The following MSN variants were observed in gnomAD, a reference collection of about 807,000 sequenced individuals.
MSN encodes epididymis luminal protein 70.
Under a neutral mutation model 48.0 loss-of-function variants are expected in MSN, and 2 were observed. The ratio of observed to expected loss-of-function variants is 0.04; its 90% confidence interval spans 0.02 to 0.13. The LOEUF (loss-of-function observed/expected upper bound fraction) is 0.13, where lower values mean the gene tolerates loss of function less well. Ranked by LOEUF, MSN falls within the 10% of genes least tolerant of loss-of-function variation. The probability of loss-of-function intolerance (pLI) is 1.00; values close to 1 mark genes in which losing one functional copy is unlikely to be tolerated. For missense variants in MSN, 267 were observed against 470.1 expected (o/e 0.57, Z 3.99); for synonymous variants, 146 against 166.9 (o/e 0.87, Z 0.97).
chrX:65,734,305 A>G (rs764599026), intron 7 of MSN, among the ~76,000 whole-genome samples: 2 of 111,575 alleles, frequency 1.8e-5, no homozygotes, highest in East Asian at 5.6e-4. Context: ...TTCTCCAGCC[A>G]TGAGGTGCCT....
chrX:65,628,483 C>T (rs753125824), intron 1 of MSN, among the ~76,000 whole-genome samples: 1 of 111,723 alleles, frequency 9.0e-6, no homozygotes, highest in East Asian at 2.8e-4. Context: ...GGACACAGGG[C>T]ACCAAGTCCC....
At chrX:65,685,612 T>C (rs2071107406) in intron 1 of MSN, among the ~76,000 whole-genome samples, 1 of 111,954 alleles carries the variant, frequency 8.9e-6, no homozygotes, top group Admixed American at 9.5e-5. Flanking sequence ...TTTTGTTTTT[T>C]TGAGACAGAG....
At chrX:65,651,563 T>TATTATTATC (rs1285087570) in intron 1 of MSN, among the ~76,000 whole-genome samples, 16 of 58,347 alleles carry the variant, frequency 2.7e-4, no homozygotes, top group Admixed American at 2.7e-3. Context: ...AAGTAATATT[T>TATTATTATC]ATTATTATTA....
chrX:65,595,074 G>C (rs1409155728), intron 1 of MSN, among the ~76,000 whole-genome samples: 1 of 111,523 alleles, frequency 9.0e-6, no homozygotes, highest in Non-Finnish European at 1.9e-5. Context: ...TGAATACCAA[G>C]CACTCCCTAG....
intron 9 of MSN, 78 bp from the exon 10 acceptor site, chrX:65,737,100 T>A: frequency 1.9e-5 from 22 of 1,144,080 alleles, no homozygotes; most frequent in Non-Finnish European, 2.6e-5. Context: ...TTGGGGTGGA[T>A]CATTTCCAGG....
intron 1 of MSN, among the ~76,000 whole-genome samples, chrX:65,620,460 G>A (rs1237087193): frequency 1.8e-5 from 2 of 113,904 alleles, no homozygotes; most frequent in African/African-American, 6.3e-5. Context: ...GGGTGGGAGT[G>A]ACCCGATTTT....
intron 1 of MSN, among the ~76,000 whole-genome samples, chrX:65,635,284 C>T (rs908584391): frequency 1.8e-5 from 2 of 110,786 alleles, no homozygotes; most frequent in Non-Finnish European, 3.8e-5. Flanking sequence ...GGGTGTGTGT[C>T]TCAGTCTCAA....
chrX:65,643,469 A>C (rs1379594060), intron 1 of MSN, among the ~76,000 whole-genome samples: 1 of 110,862 alleles, frequency 9.0e-6, no homozygotes. Context: ...AAATCTTAGA[A>C]CCAGCTAGGC....
chrX:65,651,617 C>T (rs183593246), intron 1 of MSN, among the ~76,000 whole-genome samples: 25 of 103,309 alleles, frequency 2.4e-4, no homozygotes, highest in East Asian at 9.2e-4. Flanking sequence ...TATGGACTTT[C>T]GCTGTTCTTG....
At chrX:65,725,369 ATCT>A (rs934908209) in intron 2 of MSN, among the ~76,000 whole-genome samples, 2 of 110,927 alleles carry the variant, frequency 1.8e-5, no homozygotes, top group Non-Finnish European at 3.8e-5. Context: ...CTCATGGTCC[ATCT>A]TCTTCTCTTC....
At chrX:65,615,327 T>C (rs980321278) in intron 1 of MSN, among the ~76,000 whole-genome samples, 1 of 108,110 alleles carries the variant, frequency 9.2e-6, no homozygotes, top group Non-Finnish European at 1.9e-5. Flanking sequence ...ACCAACAGTG[T>C]AAAAGTGTTC....
At chrX:65,702,044 C>T (rs1327158462) in intron 1 of MSN, among the ~76,000 whole-genome samples, 1 of 100,651 alleles carries the variant, frequency 9.9e-6, no homozygotes, top group Admixed American at 1.1e-4. Context: ...CTTCCTCTGT[C>T]GCCTGTCGCC....
intron 1 of MSN, among the ~76,000 whole-genome samples, chrX:65,600,343 G>A (rs1433721544): frequency 9.0e-6 from 1 of 111,563 alleles, no homozygotes; most frequent in Non-Finnish European, 1.9e-5. Context: ...GTCTAAATGC[G>A]TCTGTACCTT....
intron 1 of MSN, among the ~76,000 whole-genome samples, chrX:65,692,745 T>C (rs1352852396): frequency 8.9e-6 from 1 of 111,820 alleles, no homozygotes; most frequent in African/African-American, 3.3e-5. Flanking sequence ...AGTGGCATGA[T>C]CTCGGCTCAC....
chrX:65,677,854 T>C (rs1456087285), intron 1 of MSN, among the ~76,000 whole-genome samples: 1 of 111,862 alleles, frequency 8.9e-6, no homozygotes, highest in Non-Finnish European at 1.9e-5. Flanking sequence ...ATTGTAGATC[T>C]AGCATATGCT....
chrX:65,619,326 A>C (rs377679105), intron 1 of MSN, among the ~76,000 whole-genome samples: 3,892 of 93,985 alleles, frequency 0.041, 592 homozygotes, highest in African/African-American at 0.22. Flanking sequence ...TCCATTCTCC[A>C]CATCACTTTC....
chrX:65,715,575 C>A (rs1173183328), intron 1 of MSN, among the ~76,000 whole-genome samples: 1 of 111,661 alleles, frequency 9.0e-6, no homozygotes, highest in Non-Finnish European at 1.9e-5. Flanking sequence ...GATATTTATT[C>A]TTTTGTGGCA....
chrX:65,640,594 A>T lies in MSN; in HGVS notation c.-22+51982A>T, dbSNP rs6624804. On this transcript the variant is annotated intron_variant, in intron 1 of 3. Coordinates refer to the MSN transcript ENST00000609672. Reference sequence around the variant, plus strand: ...ACCGTTAGAGAGATACTTCTGTGGGATAACACTAGCTTCTCCAATAATTCA... The same window carrying T: ...ACCGTTAGAGAGATACTTCTGTGGGTTAACACTAGCTTCTCCAATAATTCA... Among the ~76,000 whole-genome samples, 25 of 111,408 alleles carry T rather than the reference A, an allele frequency of 2.2e-4. 1 individual carries two copies. The East Asian group carries it at 5.9e-3, about 26-fold the overall frequency.
chrX:65,657,094 C>A (rs1310078949), intron 1 of MSN, among the ~76,000 whole-genome samples: 1 of 111,511 alleles, frequency 9.0e-6, no homozygotes, highest in Non-Finnish European at 1.9e-5. Context: ...TGACCTGGGG[C>A]ACTGGCAGTG....
Sources: allele counts gnomAD v4.1 joint callset (sites outside exome capture counted in the v4.1 genomes callset), GRCh38; gene constraint gnomAD v4.1.1; transcripts MANE v1.5; gene names NCBI Gene and HGNC (gene_info 2026-07-23, HGNC 2026-07-21).